The following LHFPL2 variants were observed in gnomAD, a reference collection of about 807,000 sequenced individuals.
The protein encoded by LHFPL2 is LHFPL tetraspan subfamily member 2 protein.
In LHFPL2, 7 loss-of-function variants were observed where a neutral mutation model predicts 17.5. That is an observed-to-expected ratio of 0.40 (90% CI 0.23 to 0.75). The LOEUF (loss-of-function observed/expected upper bound fraction) is 0.75, where lower values mean the gene tolerates loss of function less well. Among genes scored for constraint, LHFPL2 ranks in the 30% least tolerant of loss-of-function variants. The pLI, the probability that LHFPL2 is intolerant of heterozygous loss-of-function variation, is 0.37. For synonymous variants in LHFPL2, 134 were observed against 116.2 expected (o/e 1.15, Z -0.99); for missense variants, 241 against 294.8 (o/e 0.82, Z 1.34).
At chr5:78,646,550 A>C (rs934103367) in intron 1 of LHFPL2, among the ~76,000 whole-genome samples, 7 of 152,252 alleles carry the variant, frequency 4.6e-5, no homozygotes, top group Non-Finnish European at 1.5e-5. Context: ...GTTTAGGTAC[A>C]TCTGGGAGCC....
intron 4 of LHFPL2, chr5:78,491,077 A>G (rs1754429646): frequency 6.6e-6 from 1 of 152,246 alleles, no homozygotes; most frequent in Admixed American, 6.5e-5. Flanking sequence ...GTTTCAACTT[A>G]CACATCACAA....
chr5:78,555,097 C>A (rs1438100458), intron 3 of LHFPL2, among the ~76,000 whole-genome samples: 4 of 151,824 alleles, frequency 2.6e-5, no homozygotes, highest in Non-Finnish European at 5.9e-5. Flanking sequence ...CCAATGTAAC[C>A]AAAAAAATGC....
intron 4 of LHFPL2, among the ~76,000 whole-genome samples, chr5:78,507,967 CACACACACAT>C (rs1227103327): frequency 2.0e-5 from 3 of 152,034 alleles, no homozygotes; most frequent in African/African-American, 7.2e-5. Flanking sequence ...CACACACACA[CACACACACAT>C]GCCCCTGAGG....
At chr5:78,575,036 G>T (rs949390402) in intron 2 of LHFPL2, among the ~76,000 whole-genome samples, 6 of 152,142 alleles carry the variant, frequency 3.9e-5, no homozygotes, top group African/African-American at 1.2e-4. Flanking sequence ...GGCAGAGCTA[G>T]GGACCGCTAA....
chr5:78,589,893 T>C (rs944149936), intron 2 of LHFPL2, among the ~76,000 whole-genome samples: 3 of 152,188 alleles, frequency 2.0e-5, no homozygotes, highest in Admixed American at 6.5e-5. Flanking sequence ...GCACCAAGGA[T>C]TGGTTCATTT....
At chr5:78,505,430 G>T (rs1180736436) in intron 4 of LHFPL2, among the ~76,000 whole-genome samples, 4 of 152,220 alleles carry the variant, frequency 2.6e-5, no homozygotes, top group African/African-American at 9.6e-5. Flanking sequence ...GCTGCCTCCA[G>T]AAAGAGAAGG....
At chr5:78,556,086 G>T (rs1756565704) in intron 3 of LHFPL2, among the ~76,000 whole-genome samples, 2 of 152,130 alleles carry the variant, frequency 1.3e-5, no homozygotes, top group Admixed American at 1.3e-4. Flanking sequence ...ACTGGGCAGG[G>T]CTAACTTTCC....
At chr5:78,489,187 C>G in intron 4 of LHFPL2, 34 bp from the exon 5 acceptor site, 1 of 1,611,334 alleles carries the variant, frequency 6.2e-7, no homozygotes, top group Non-Finnish European at 8.5e-7. Flanking sequence ...ATTAGAAAAT[C>G]CCCATGGTGC....
chr5:78,616,455 C>T (rs1011864049), intron 2 of LHFPL2, among the ~76,000 whole-genome samples: 3 of 152,138 alleles, frequency 2.0e-5, no homozygotes, highest in Admixed American at 6.5e-5. Flanking sequence ...TTGACCACCC[C>T]GACTATGGAT....
At chr5:78,537,680 T>C (rs999954179) in intron 3 of LHFPL2, among the ~76,000 whole-genome samples, 1 of 152,184 alleles carries the variant, frequency 6.6e-6, no homozygotes, top group Non-Finnish European at 1.5e-5. Context: ...CACTAACATG[T>C]GCAAGACATA....
chr5:78,603,371 TA>T (rs1045030650), intron 2 of LHFPL2, among the ~76,000 whole-genome samples: 4 of 152,206 alleles, frequency 2.6e-5, no homozygotes, highest in Non-Finnish European at 5.9e-5. Flanking sequence ...CCCCCATCAG[TA>T]AAAAGGGTTT....
intron 4 of LHFPL2, among the ~76,000 whole-genome samples, chr5:78,490,885 A>G (rs918558078): frequency 7.9e-5 from 12 of 152,202 alleles, no homozygotes; most frequent in Non-Finnish European, 1.3e-4. Context: ...GGGAATATCA[A>G]TTCTATCCTG....
chr5:78,525,096 T>C (rs1361488622), intron 3 of LHFPL2, among the ~76,000 whole-genome samples: 1 of 152,210 alleles, frequency 6.6e-6, no homozygotes, highest in South Asian at 2.1e-4. Context: ...CTTCCCACTA[T>C]ATGCCAGTAG....
intron 4 of LHFPL2, among the ~76,000 whole-genome samples, chr5:78,506,383 C>T (rs1416327934): frequency 3.9e-5 from 6 of 152,170 alleles, no homozygotes; most frequent in Admixed American, 3.3e-4. Flanking sequence ...CTAAAGAATC[C>T]TTTTGTTGCT....
intron 3 of LHFPL2, among the ~76,000 whole-genome samples, chr5:78,517,897 T>C (rs1244545553): frequency 6.6e-6 from 1 of 152,208 alleles, no homozygotes; most frequent in Admixed American, 6.5e-5. Context: ...TTTATGTTTG[T>C]TTTCCCTCTA....
intron 2 of LHFPL2, among the ~76,000 whole-genome samples, chr5:78,618,268 T>C (rs1744690719): frequency 6.6e-6 from 1 of 152,028 alleles, no homozygotes; most frequent in African/African-American, 2.4e-5. Flanking sequence ...CCGTAGTAAG[T>C]TTTTATAAGA....
At chr5:78,543,760 G>A (rs894730455) in intron 3 of LHFPL2, among the ~76,000 whole-genome samples, 6 of 152,222 alleles carry the variant, frequency 3.9e-5, no homozygotes, top group African/African-American at 1.2e-4. Context: ...CACAGCTGGA[G>A]GACTAAGGGA....
chr5:78,598,033 C>A (rs1056440196), intron 2 of LHFPL2, among the ~76,000 whole-genome samples: 1 of 152,148 alleles, frequency 6.6e-6, no homozygotes, highest in African/African-American at 2.4e-5. Flanking sequence ...GCAGTTAATA[C>A]AAAGACCCCT....
At chr5:78,590,441 AT>A (rs562512399) in intron 2 of LHFPL2, among the ~76,000 whole-genome samples, 2 of 152,230 alleles carry the variant, frequency 1.3e-5, no homozygotes, top group South Asian at 2.1e-4. Context: ...GATTTCACAT[AT>A]TTTTTTAACA....
Sources: gnomAD v4.1 joint callset for allele counts (sites outside exome capture counted in the v4.1 genomes callset) on GRCh38, gnomAD v4.1.1 for gene constraint, MANE v1.5 for transcripts, NCBI Gene and HGNC (gene_info 2026-07-23, HGNC 2026-07-21) for gene names.